AJAP1: variants seen among roughly 807,000 people sequenced by gnomAD.
The protein encoded by AJAP1 is adherens junctions associated protein 1.
AJAP1 carries 5 observed loss-of-function variants against 35.0 expected under a neutral mutation model. The observed-to-expected ratio is 0.14, with a 90% CI of 0.07 to 0.30. The LOEUF is 0.30. Among genes scored for constraint, AJAP1 ranks in the 10% least tolerant of loss-of-function variants. AJAP1 has a pLI of 1.00. For missense variants in AJAP1, 586 were observed against 571.0 expected (o/e 1.03, Z -0.27); for synonymous variants, 284 against 249.3 (o/e 1.14, Z -1.31).
Position 4,723,827 on chromosome 1 carries a change from C to G in AJAP1, c.829+11128C>G, listed in dbSNP as rs1346263493. Among the ~76,000 whole-genome samples the G allele has an allele frequency of 1.3e-5, 2 of 151,796 alleles. No homozygotes were observed. The highest frequency in any genetic ancestry group is 4.8e-5 in the African/African-American group (2 of 41,300). The stretch of plus-strand genomic sequence containing the variant: ...CGTGGGAGTATTCAGGCACGTCTTT[C>G]TGCCAACGTGAATGACCCAGTAGAG... On this transcript the variant is annotated intron_variant, in intron 2 of 5. Coordinates refer to ENST00000378191, the MANE Select transcript of AJAP1 (RefSeq NM_018836.4). This position sits in a 1 kb window ranked among gnomAD's most constrained non-coding sequence, Gnocchi z 4.3.
chr1:4,700,667 C>T (rs1473060174), intron 1 of AJAP1, among the ~76,000 whole-genome samples: 1 of 152,166 alleles, frequency 6.6e-6, no homozygotes, highest in Non-Finnish European at 1.5e-5. Context: ...TGGGGTAGCT[C>T]GTGCTGGGGG....
intron 2 of AJAP1, among the ~76,000 whole-genome samples, chr1:4,732,814 G>T (rs150686411): frequency 6.6e-6 from 1 of 152,366 alleles, no homozygotes; most frequent in Non-Finnish European, 1.5e-5. Flanking sequence ...GACCAGAGAG[G>T]TGAGAGAAGG....
intron 1 of AJAP1, among the ~76,000 whole-genome samples, chr1:4,686,571 G>A (rs954764767): frequency 6.6e-6 from 1 of 152,196 alleles, no homozygotes; most frequent in Non-Finnish European, 1.5e-5. Context: ...CTAATTCTGC[G>A]GGAGCGCATA....
intron 2 of AJAP1, among the ~76,000 whole-genome samples, chr1:4,735,395 C>T (rs117272968): frequency 6.6e-6 from 1 of 152,120 alleles, no homozygotes; most frequent in African/African-American, 2.4e-5. Context: ...GAGAGGGGAC[C>T]AATTTGGGCC....
At chr1:4,724,120 G>A (rs962550414) in intron 2 of AJAP1, among the ~76,000 whole-genome samples, 3 of 152,210 alleles carry the variant, frequency 2.0e-5, no homozygotes, top group Non-Finnish European at 2.9e-5. Context: ...ATTGCTGGGT[G>A]GCCTCCCCAG....
At chr1:4,772,993 C>T (rs559033356) in intron 4 of AJAP1, among the ~76,000 whole-genome samples, 5 of 152,162 alleles carry the variant, frequency 3.3e-5, no homozygotes, top group Non-Finnish European at 2.9e-5. Context: ...ACCGGAAGTA[C>T]GTTACTAAAT....
intron 1 of AJAP1, among the ~76,000 whole-genome samples, chr1:4,699,503 C>T (rs556708535): frequency 2.6e-5 from 4 of 152,330 alleles, no homozygotes; most frequent in East Asian, 1.9e-4. Context: ...GATAACCTGA[C>T]ATTTATTCCT....
intron 2 of AJAP1, among the ~76,000 whole-genome samples, chr1:4,744,625 GCA>G (rs34180991): frequency 0.19 from 28,940 of 149,606 alleles, 3,042 homozygotes; most frequent in Admixed American, 0.31. Context: ...ACATGCATAT[GCA>G]CACACACACA....
At chr1:4,673,490 T>TG (rs1639291404) in intron 1 of AJAP1, among the ~76,000 whole-genome samples, 1 of 152,218 alleles carries the variant, frequency 6.6e-6, no homozygotes, top group African/African-American at 2.4e-5. Context: ...AGGTGAGATG[T>TG]GGGCAGGCCT....
intron 2 of AJAP1, among the ~76,000 whole-genome samples, chr1:4,752,328 A>G (rs771414478): frequency 6.6e-6 from 1 of 152,080 alleles, no homozygotes; most frequent in Non-Finnish European, 1.5e-5. Flanking sequence ...AAAGATGTCC[A>G]GTAGACAAGA....
intron 1 of AJAP1, among the ~76,000 whole-genome samples, chr1:4,699,555 A>C (rs1360024852): frequency 6.6e-6 from 1 of 152,174 alleles, no homozygotes; most frequent in African/African-American, 2.4e-5. Context: ...AGAATGAGCT[A>C]TAGCGCTGTC....
intron 1 of AJAP1, among the ~76,000 whole-genome samples, chr1:4,680,574 T>C (rs1268328536): frequency 6.6e-6 from 1 of 152,278 alleles, no homozygotes; most frequent in African/African-American, 2.4e-5. Flanking sequence ...CCATAGATGT[T>C]TGTGAATGAA....
At chr1:4,746,785 T>G (rs1244234396) in intron 2 of AJAP1, among the ~76,000 whole-genome samples, 3 of 152,212 alleles carry the variant, frequency 2.0e-5, no homozygotes, top group Non-Finnish European at 2.9e-5. Context: ...CCCACACATT[T>G]GGGTGTCATA....
rs557135986 is a variant in AJAP1 at position 4,767,539 on chromosome 1, T to C, written c.830-2314T>C. Among the ~76,000 whole-genome samples the C allele has an allele frequency of 4.0e-5, 6 of 148,872 alleles. No homozygotes were observed. The East Asian group carries it at 1.0e-3, about 25-fold the overall frequency. On this transcript the variant is annotated intron_variant, in intron 2 of 5. Transcript: ENST00000378191. Reference sequence around the variant, plus strand: ...ATCACCACCACCATCACCATTATCATCATCACCATCTTTATCATTACCATC... The same window carrying C: ...ATCACCACCACCATCACCATTATCACCATCACCATCTTTATCATTACCATC...
rs1009637849 is a variant in AJAP1 at position 4,764,308 on chromosome 1, C to T, written c.830-5545C>T. ...TGACATAAAAGCTGGTGGCCTTGTTCTGCTGTGAGCATCCCAGTTTTGGAA... is the reference window on the plus strand; with the variant it reads ...TGACATAAAAGCTGGTGGCCTTGTTTTGCTGTGAGCATCCCAGTTTTGGAA... On this transcript the variant is annotated intron_variant, in intron 2 of 5. Coordinates refer to ENST00000378191, the MANE Select transcript of AJAP1 (RefSeq NM_018836.4). 5.3e-5 allele frequency among the ~76,000 whole-genome samples: 8 copies of T among 152,204 alleles called. No individual in the cohort carries two copies. The South Asian group carries it at 1.7e-3, about 32-fold the overall frequency.
At chr1:4,763,063 G>C (rs1236856456) in intron 2 of AJAP1, among the ~76,000 whole-genome samples, 1 of 152,170 alleles carries the variant, frequency 6.6e-6, no homozygotes, top group Admixed American at 6.5e-5. Context: ...GAGGCACACT[G>C]GGGGTGACCC....
chr1:4,715,132 A>G lies in AJAP1; in HGVS notation c.829+2433A>G, dbSNP rs550408171. Among the ~76,000 whole-genome samples, 4 of 152,342 alleles carry G rather than the reference A, an allele frequency of 2.6e-5. No homozygotes were observed. In the East Asian group the frequency reaches 7.7e-4, roughly 29 times the overall value. ...ACTCCCTGGAACCCCCTTGCTTGGC[A>G]GTCATCAGATGCAGACCTGCGCCCC... On this transcript the variant is annotated intron_variant, in intron 2 of 5. Coordinates refer to ENST00000378191, the MANE Select transcript of AJAP1 (RefSeq NM_018836.4).
chr1:4,703,303 C>A (rs1640029844), intron 1 of AJAP1, among the ~76,000 whole-genome samples: 1 of 152,070 alleles, frequency 6.6e-6, no homozygotes, highest in Admixed American at 6.5e-5. Flanking sequence ...GGGACTGAGA[C>A]TGGGGGATGG....
chr1:4,754,340 G>A (rs428001), intron 2 of AJAP1, among the ~76,000 whole-genome samples: 59,865 of 152,016 alleles, frequency 0.39, 13,128 homozygotes, highest in African/African-American at 0.57. Flanking sequence ...TAAAACCTAA[G>A]CTATTGACTC....
Sources: allele counts gnomAD v4.1 joint callset (sites outside exome capture counted in the v4.1 genomes callset), GRCh38; gene constraint gnomAD v4.1.1; non-coding constraint Gnocchi (gnomAD v3.1); transcripts MANE v1.5; gene names NCBI Gene and HGNC (gene_info 2026-07-23, HGNC 2026-07-21).